SGCZ: variants seen among roughly 807,000 people sequenced by gnomAD.
SGCZ encodes the protein sarcoglycan zeta.
Under a neutral mutation model 41.3 loss-of-function variants are expected in SGCZ, and 40 were observed. The ratio of observed to expected loss-of-function variants is 0.97; its 90% confidence interval spans 0.75 to 1.26. SGCZ has a LOEUF of 1.26. Among genes scored for constraint, SGCZ ranks in the 50% most tolerant of loss-of-function variants. The pLI is 0.00. For synonymous variants in SGCZ, 206 were observed against 137.5 expected, an observed-to-expected ratio of 1.50 and a Z score of -3.49; for missense variants, 552 against 369.8, an observed-to-expected ratio of 1.49 and a Z score of -4.04.
At chr8:14,240,549 T>A (rs1273772011) in intron 3 of SGCZ, among the ~76,000 whole-genome samples, 2 of 152,088 alleles carry the variant, frequency 1.3e-5, no homozygotes, top group Admixed American at 6.6e-5. Flanking sequence ...ATAGCACCAA[T>A]AATCTTTTTA....
intron 1 of SGCZ, among the ~76,000 whole-genome samples, chr8:14,682,595 C>G (rs970608959): frequency 6.6e-6 from 1 of 151,982 alleles, no homozygotes; most frequent in African/African-American, 2.4e-5. Context: ...CCACCACGCC[C>G]GGCTAATTTT....
intron 2 of SGCZ, among the ~76,000 whole-genome samples, chr8:14,373,748 G>A (rs1275869709): frequency 6.6e-6 from 1 of 152,152 alleles, no homozygotes; most frequent in Non-Finnish European, 1.5e-5. Context: ...ATTGAGATGA[G>A]AGGAATTGTA....
chr8:14,790,615 T>C (rs773061928), intron 1 of SGCZ, among the ~76,000 whole-genome samples: 4 of 152,136 alleles, frequency 2.6e-5, no homozygotes, highest in African/African-American at 4.8e-5. Context: ...GAAACAAACA[T>C]AATATCCAAT....
intron 1 of SGCZ, among the ~76,000 whole-genome samples, chr8:15,010,320 A>G (rs1049248990): frequency 2.6e-5 from 4 of 152,174 alleles, no homozygotes; most frequent in African/African-American, 9.7e-5. Flanking sequence ...AGTTTCTGCA[A>G]TTTTACAAAA....
At chr8:14,140,140 G>C (rs571978193) in intron 5 of SGCZ, among the ~76,000 whole-genome samples, 37 of 151,992 alleles carry the variant, frequency 2.4e-4, no homozygotes, top group Non-Finnish European at 5.0e-4. Context: ...GCTAAAAACT[G>C]TCAATAAACT....
At chr8:14,843,046 C>T (rs540885802) in intron 1 of SGCZ, among the ~76,000 whole-genome samples, 2 of 152,288 alleles carry the variant, frequency 1.3e-5, no homozygotes, top group South Asian at 2.1e-4. Flanking sequence ...AACCCCATCT[C>T]TACTAAAATA....
At chr8:15,138,654 T>C (rs1808206798) in intron 1 of SGCZ, among the ~76,000 whole-genome samples, 1 of 152,194 alleles carries the variant, frequency 6.6e-6, no homozygotes, top group African/African-American at 2.4e-5. Flanking sequence ...CCTGCCACCC[T>C]GTGAAGAGGT....
At chr8:15,102,943 T>C (rs1806670210) in intron 1 of SGCZ, among the ~76,000 whole-genome samples, 1 of 152,170 alleles carries the variant, frequency 6.6e-6, no homozygotes, top group Non-Finnish European at 1.5e-5. Flanking sequence ...TCATATTCCT[T>C]ACACTAAGGA....
At chr8:14,470,895 C>T (rs1460977492) in intron 2 of SGCZ, among the ~76,000 whole-genome samples, 5 of 152,048 alleles carry the variant, frequency 3.3e-5, no homozygotes, top group African/African-American at 1.2e-4. Flanking sequence ...CACAATAAGT[C>T]GTGTTAACAA....
At chr8:15,106,437 A>G (rs1444661032) in intron 1 of SGCZ, among the ~76,000 whole-genome samples, 1 of 151,998 alleles carries the variant, frequency 6.6e-6, no homozygotes, top group African/African-American at 2.4e-5. Context: ...TTAATTTTAA[A>G]TTTTTCTCTT....
chr8:14,965,599 T>C (rs1431559486), intron 1 of SGCZ, among the ~76,000 whole-genome samples: 2 of 152,052 alleles, frequency 1.3e-5, no homozygotes, highest in African/African-American at 2.4e-5. Flanking sequence ...CTGTGAGCAA[T>C]AGAGAGAGGA....
chr8:15,185,141 C>A (rs532072268), intron 1 of SGCZ, among the ~76,000 whole-genome samples: 97 of 152,146 alleles, frequency 6.4e-4, no homozygotes, highest in Admixed American at 1.2e-3. Flanking sequence ...CTAGGTAAAC[C>A]TCACACACTC....
chr8:14,802,864 C>A (rs541443778), intron 1 of SGCZ, among the ~76,000 whole-genome samples: 3 of 152,096 alleles, frequency 2.0e-5, no homozygotes, highest in Non-Finnish European at 4.4e-5. Flanking sequence ...CTGTTACAGG[C>A]ACTCAACTCA....
At chr8:15,163,008 AT>A in intron 1 of SGCZ, among the ~76,000 whole-genome samples, 1 of 152,304 alleles carries the variant, frequency 6.6e-6, no homozygotes, top group East Asian at 1.9e-4. Context: ...TCAAAACATT[AT>A]TTTGAAATCA....
intron 1 of SGCZ, among the ~76,000 whole-genome samples, chr8:14,806,128 G>A (rs1801518068): frequency 6.6e-6 from 1 of 151,836 alleles, no homozygotes; most frequent in African/African-American, 2.4e-5. Context: ...AGAGAAAGCA[G>A]GAAAGATCCA....
intron 2 of SGCZ, among the ~76,000 whole-genome samples, chr8:14,431,939 C>T (rs926559174): frequency 1.3e-5 from 2 of 152,146 alleles, no homozygotes; most frequent in East Asian, 1.9e-4. Context: ...TGCTCAACAT[C>T]ACTAATGATC....
At chr8:14,816,761 T>A (rs185503345) in intron 1 of SGCZ, among the ~76,000 whole-genome samples, 121 of 152,320 alleles carry the variant, frequency 7.9e-4, no homozygotes, top group African/African-American at 2.7e-3. Context: ...CTCCTTTATA[T>A]ATGTTTATAG....
chr8:15,130,354 C>G (rs1035912895), intron 1 of SGCZ, among the ~76,000 whole-genome samples: 35 of 152,338 alleles, frequency 2.3e-4, no homozygotes, highest in African/African-American at 7.5e-4. Flanking sequence ...GCCCACATAT[C>G]TACCCAGTGT....
intron 1 of SGCZ, among the ~76,000 whole-genome samples, chr8:14,980,909 T>C (rs1801641604): frequency 6.6e-6 from 1 of 152,142 alleles, no homozygotes; most frequent in Admixed American, 6.5e-5. Context: ...CCATCTTTAG[T>C]CTATCTCGCT....
Sources: gnomAD v4.1 joint callset for allele counts (sites outside exome capture counted in the v4.1 genomes callset) on GRCh38, gnomAD v4.1.1 for gene constraint, MANE v1.5 for transcripts, NCBI Gene and HGNC (gene_info 2026-07-23, HGNC 2026-07-21) for gene names.